Variants in ALG10B observed in about 807,000 individuals in gnomAD.
ALG10B encodes ALG10 alpha-1,2-glucosyltransferase B.
A neutral mutation model predicts 38.7 loss-of-function variants in ALG10B; 27 were observed. The ratio of observed to expected loss-of-function variants is 0.70; its 90% CI spans 0.51 to 0.96. The LOEUF (loss-of-function observed/expected upper bound fraction) is 0.96. Among genes scored for constraint, ALG10B ranks in the 40% least tolerant of loss-of-function variants. ALG10B has a pLI of 0.00. For synonymous variants in ALG10B, 177 were observed against 193.3 expected, an observed-to-expected ratio of 0.92 and a Z score of 0.70; for missense variants, 522 against 542.7, an observed-to-expected ratio of 0.96 and a Z score of 0.38.
Position 38,321,098 on chromosome 12 carries a change from G to C in ALG10B, c.1307G>C (p.Arg436Thr). 1 of 1,613,718 alleles carries C rather than the reference G, an allele frequency of 6.2e-7. No individual in the cohort carries two copies. Residue 436 changes from arginine (R) to threonine (T), a missense_variant, in exon 3 of 3, where the codon AGA (arginine) becomes ACA (threonine). Physicochemically the swap from Arg to Thr is moderately conservative, Grantham distance 71. Coordinates refer to ENST00000308742, the MANE Select transcript of ALG10B (RefSeq NM_001013620.4). The stretch of plus-strand genomic sequence containing the variant: ...AACATAACTCTGCCTCCCACATCCA[G>C]ACTTGTTTGTGAACTGAGTTGCTAT... ...RLNITLPPTS[R>T]LVCELSCYAI... is the part of the protein sequence containing the mutation.
rs1344580713 is a variant in ALG10B at position 38,321,100 on chromosome 12, C to T, written c.1309C>T (p.Leu437Phe). ...LNITLPPTSR[L>F]VCELSCYAIV... ...CATAACTCTGCCTCCCACATCCAGA[C>T]TTGTTTGTGAACTGAGTTGCTATGC... is the stretch of plus-strand genomic sequence containing the variant. Residue 437 changes from leucine to phenylalanine, a missense_variant, in exon 3 of 3, where the codon CTT becomes TTT. Transcript: ENST00000308742. 2 of 1,613,818 alleles carry T rather than the reference C, an allele frequency of 1.2e-6. No individual in the cohort carries two copies. Among genetic ancestry groups the T allele is most frequent in the Non-Finnish European group, 8.5e-7 (1 of 1,179,820 alleles).
rs944614769 is a variant in ALG10B, at chr12:38,327,053, A to G, written c.*5840A>G. On this transcript the variant is annotated 3_prime_UTR_variant, in exon 3 of 3. Coordinates refer to ENST00000308742, the MANE Select transcript of ALG10B (RefSeq NM_001013620.4). ...TATATATATATTTATATATACAAAT[A>G]TATACGTATTTATATATACAAATTT... 10 of 149,446 alleles carry G rather than the reference A, an allele frequency of 6.7e-5. No individual in the cohort carries two copies. Among genetic ancestry groups the G allele is most frequent in the Non-Finnish European group, 1.5e-4 (10 of 67,458 alleles). The allele number at this position is 149,446 out of a possible 1,614,324, so 9.3% of individuals were successfully genotyped here.
chr12:38,319,336 A>G (rs1313630502), intron 2 of ALG10B, among the ~76,000 whole-genome samples: 1 of 152,150 alleles, frequency 6.6e-6, no homozygotes, highest in African/African-American at 2.4e-5. Context: ...GGCATTGAAC[A>G]ATGAGGTGCA....
chr12:38,323,811 G>C lies in ALG10B; in HGVS notation c.*2598G>C, dbSNP rs182869425. On this transcript the variant is annotated 3_prime_UTR_variant, in exon 3 of 3. Coordinates refer to ENST00000308742, the MANE Select transcript of ALG10B (RefSeq NM_001013620.4). ...ATACTTTTGTCATTAATTTACTATAGTGGAGAACTAAATCTGGGAAGTCAA... is the reference window on the plus strand; with the variant it reads ...ATACTTTTGTCATTAATTTACTATACTGGAGAACTAAATCTGGGAAGTCAA... 7 of 691,380 alleles carry C rather than the reference G, an allele frequency of 1.0e-5. No homozygotes were observed. The Admixed American group carries it at 1.4e-4, about 14-fold the overall frequency. 42.8% of individuals were successfully genotyped at this position (691,380 alleles called of 1,614,324 possible). A position where few individuals can be genotyped will look rare whatever the true frequency, so the allele number is the denominator to read the frequency against.
Position 38,318,299 on chromosome 12 carries a change from G to C in ALG10B, c.210G>C (p.Leu70=), listed in dbSNP as rs760899298. The change falls in exon 2 of 3, where the codon CTG becomes CTC. Residue 70 remains leucine, a synonymous_variant. Coordinates refer to ENST00000308742, the MANE Select transcript of ALG10B (RefSeq NM_001013620.4). ...TTACTACATTACCTGGCTTGTACCT[G>C]GTGTCAGTTGGAGTGGTCAAACCTG... The part of the protein sequence containing the change: ...PMITTLPGLY[L]VSVGVVKPAI... 2 of 1,614,056 alleles carry C rather than the reference G, an allele frequency of 1.2e-6. No individual in the cohort carries two copies. The highest frequency in any genetic ancestry group is 1.7e-6 in the Non-Finnish European group (2 of 1,180,006).
rs1251574568 is a variant in ALG10B at position 38,320,360 on chromosome 12, T to C, written c.569T>C (p.Ile190Thr). 3 of 1,614,098 alleles carry C rather than the reference T, an allele frequency of 1.9e-6. No individual in the cohort carries two copies. Among genetic ancestry groups the C allele is most frequent in the African/African-American group, 1.3e-5 (1 of 75,042 alleles). Residue 190 changes from isoleucine to threonine, a missense_variant, in exon 3 of 3, where the codon ATC becomes ACC. Coordinates refer to ENST00000308742, the MANE Select transcript of ALG10B (RefSeq NM_001013620.4). ...GGCTTCATGTTTCGGCAAACAAATA[T>C]CATCTGGGCTGTCTTCTGTGCAGGG... ...FCGFMFRQTN[I>T]IWAVFCAGNV...
intron 2 of ALG10B, 93 bp from the exon 3 acceptor site, chr12:38,320,068 A>G: frequency 6.9e-7 from 1 of 1,445,564 alleles, no homozygotes; most frequent in Non-Finnish European, 9.6e-7. Flanking sequence ...AGGTTTGAGT[A>G]GTTGAGTAGT....
At chr12:38,317,445 C>G (rs1410627294) in intron 1 of ALG10B, 2 of 236,740 alleles carry the variant, frequency 8.4e-6, no homozygotes, top group Non-Finnish European at 1.7e-5. Flanking sequence ...CCTCACTGTG[C>G]ATTTTAGGGG....
chr12:38,328,076 T>C lies in ALG10B; in HGVS notation c.*6863T>C, dbSNP rs1455925522. ...ATTCTCATTCATTGGAGATAAGATT[T>C]CTATTTATCAAAGATACTACACAAG... On this transcript the variant is annotated 3_prime_UTR_variant, in exon 3 of 3. Transcript: ENST00000308742. 6.6e-6 allele frequency: 1 copy of C among 152,192 alleles called. No individual in the cohort carries two copies. The highest frequency in any genetic ancestry group is 2.4e-5 in the African/African-American group (1 of 41,448). The allele number at this position is 152,192 out of a possible 1,614,324, so 9.4% of individuals were successfully genotyped here. A position where few individuals can be genotyped will look rare whatever the true frequency, so the allele number is the denominator to read the frequency against.
In ALG10B at chr12:38,321,244, A is replaced by G. The variant is rs764273464; in HGVS notation, c.*31A>G. 6.3e-7 allele frequency: 1 copy of G among 1,593,404 alleles called. No homozygotes were observed. Among genetic ancestry groups the G allele is most frequent in the Non-Finnish European group, 8.6e-7 (1 of 1,166,268 alleles). ...GTGATATTTTGAACTGTAAAAATGG[A>G]CTTAATAATTAGACCATTTCTACAA... On this transcript the variant is annotated 3_prime_UTR_variant, in exon 3 of 3. Transcript: ENST00000308742.
chr12:38,328,362 G>T lies in ALG10B; in HGVS notation c.*7149G>T, dbSNP rs1945763508. Reference sequence around the variant, plus strand: ...TACTAAAATGTATTTTAGCGGTGATGTTTTGGAGCACTGGTAATATAGTGT... The same window carrying T: ...TACTAAAATGTATTTTAGCGGTGATTTTTTGGAGCACTGGTAATATAGTGT... On this transcript the variant is annotated 3_prime_UTR_variant, in exon 3 of 3. Coordinates refer to ENST00000308742, the MANE Select transcript of ALG10B (RefSeq NM_001013620.4). The T allele has an allele frequency of 6.6e-6, 1 of 152,114 alleles. No homozygotes were observed. Among genetic ancestry groups the T allele is most frequent in the Non-Finnish European group, 1.5e-5 (1 of 67,978 alleles). The allele number at this position is 152,114 out of a possible 1,614,324, so 9.4% of individuals were successfully genotyped here.
In ALG10B at chr12:38,318,866, G is replaced by A. The variant is rs1470296391; in HGVS notation, c.369+408G>A. Among the ~76,000 whole-genome samples, 8 of 152,288 alleles carry A rather than the reference G, an allele frequency of 5.3e-5. No individual in the cohort carries two copies. The South Asian group carries it at 1.0e-3, about 20-fold the overall frequency. On this transcript the variant is annotated intron_variant, in intron 2 of 2. Transcript: ENST00000308742. ...CAGGCCCCGGAGGTCGATTGCCTGG[G>A]TTAGAATTCTCTCCCTGCCACTTAA...
rs757571673 is a variant in ALG10B at position 38,317,027 on chromosome 12, C to T, written c.134C>T (p.Ala45Val). The change falls in exon 1 of 3, where the codon GCG (alanine) becomes GTG (valine). Residue 45 changes from alanine (A) to valine (V), a missense_variant. Ala to Val is a moderately conservative substitution (Grantham distance 64, BLOSUM62 0). Transcript: ENST00000308742. ...GACGAGATCTTCCACCTGCCTCAGG[C>T]GCAGCGCTACTGTGAGGGCCATTTC... ...YMDEIFHLPQ[A>V]QRYCEGHFSL... 4.8e-5 allele frequency: 78 copies of T among 1,614,044 alleles called. No homozygotes were observed. The highest frequency in any genetic ancestry group is 6.4e-5 in the Non-Finnish European group (76 of 1,180,046).
In ALG10B at chr12:38,318,192, C is replaced by T. The variant is rs372641919; in HGVS notation, c.172-69C>T. On this transcript the variant is annotated intron_variant, in intron 1 of 2. Coordinates refer to ENST00000308742, the MANE Select transcript of ALG10B (RefSeq NM_001013620.4). ...ATTGTTGCTGGAGATGAGACTTGGG[C>T]TTGACATATTTGTGTCTGTCTTGTT... The T allele has an allele frequency of 3.3e-5, 52 of 1,582,086 alleles. No individual in the cohort carries two copies. The East Asian group carries it at 7.2e-4, about 22-fold the overall frequency.
chr12:38,329,080 A>G lies in ALG10B; in HGVS notation c.*7867A>G. On this transcript the variant is annotated 3_prime_UTR_variant, in exon 3 of 3. Transcript: ENST00000308742. Reference sequence around the variant, plus strand: ...TATGATGGAGAAAGGCATGAAGTCTACCTTCAAATTCATGGCATTTTAGAA... The same window carrying G: ...TATGATGGAGAAAGGCATGAAGTCTGCCTTCAAATTCATGGCATTTTAGAA... 2 of 396,964 alleles carry G rather than the reference A, an allele frequency of 5.0e-6. No homozygotes were observed. Among genetic ancestry groups the G allele is most frequent in the East Asian group, 7.2e-5 (2 of 27,936 alleles). The allele number at this position is 396,964 out of a possible 1,614,324, so 24.6% of individuals were successfully genotyped here. A position where few individuals can be genotyped will look rare whatever the true frequency, so the allele number is the denominator to read the frequency against.
In ALG10B at chr12:38,322,591, A is replaced by G. The variant is rs1343120896; in HGVS notation, c.*1378A>G. 1 of 152,184 alleles carries G rather than the reference A, an allele frequency of 6.6e-6. No individual in the cohort carries two copies. Among genetic ancestry groups the G allele is most frequent in the Non-Finnish European group, 1.5e-5 (1 of 68,020 alleles). The allele number at this position is 152,184 out of a possible 1,614,324, so 9.4% of individuals were successfully genotyped here. A position where few individuals can be genotyped will look rare whatever the true frequency, so the allele number is the denominator to read the frequency against. ...AGCTAATCTATCCATCACCTCAAAT[A>G]TTTGACATATTTTGTGATGAAAACA... On this transcript the variant is annotated 3_prime_UTR_variant, in exon 3 of 3. Transcript: ENST00000308742.
intron 2 of ALG10B, among the ~76,000 whole-genome samples, chr12:38,318,685 G>A (rs1945677292): frequency 6.6e-6 from 1 of 152,198 alleles, no homozygotes; most frequent in South Asian, 2.1e-4. Context: ...TATTTGTTAA[G>A]TGAGTCAAAC....
At position 38,318,320 on chromosome 12, in the gene ALG10B, A is replaced by T. The variant is rs1405926247; in HGVS notation, c.231A>T (p.Lys77Asn). 1 of 1,614,004 alleles carries T rather than the reference A, an allele frequency of 6.2e-7. No individual in the cohort carries two copies. The highest frequency in any genetic ancestry group is 8.5e-7 in the Non-Finnish European group (1 of 1,180,022). Residue 77 changes from lysine to asparagine, a missense_variant, in exon 2 of 3, where the codon AAA becomes AAT. Coordinates refer to ENST00000308742, the MANE Select transcript of ALG10B (RefSeq NM_001013620.4). The stretch of plus-strand genomic sequence containing the variant: ...ACCTGGTGTCAGTTGGAGTGGTCAA[A>T]CCTGCCATTTGGATCTTTGCATGGT... ...GLYLVSVGVV[K>N]PAIWIFAWSE...
At position 38,324,196 on chromosome 12, in the gene ALG10B, C is replaced by A. The variant is rs1456740968; in HGVS notation, c.*2983C>A. 4 of 378,576 alleles carry A rather than the reference C, an allele frequency of 1.1e-5. No homozygotes were observed. The East Asian group carries it at 1.7e-4, about 16-fold the overall frequency. 23.5% of individuals were successfully genotyped at this position (378,576 alleles called of 1,614,324 possible). A position where few individuals can be genotyped will look rare whatever the true frequency, so the allele number is the denominator to read the frequency against. On this transcript the variant is annotated 3_prime_UTR_variant, in exon 3 of 3. Coordinates refer to ENST00000308742, the MANE Select transcript of ALG10B (RefSeq NM_001013620.4). ...TATAGGCGCCCACCACCAAGCCTGGCTAATTTTTTCTATTTTTAGTAGAGC... is the reference window on the plus strand; with the variant it reads ...TATAGGCGCCCACCACCAAGCCTGGATAATTTTTTCTATTTTTAGTAGAGC...
Sources: gnomAD v4.1 joint callset for allele counts (sites outside exome capture counted in the v4.1 genomes callset) on GRCh38, gnomAD v4.1.1 for gene constraint, MANE v1.5 for transcripts, NCBI Gene and HGNC (gene_info 2026-07-23, HGNC 2026-07-21) for gene names.